The following LMTK3 variants were observed in gnomAD, a reference collection of about 807,000 sequenced individuals.
LMTK3 encodes the protein serine/threonine-protein kinase LMTK3.
A neutral mutation model predicts 116.7 loss-of-function variants in LMTK3; 27 were observed. The observed-to-expected ratio is 0.23, with a 90% confidence interval of 0.17 to 0.32. The LOEUF is 0.32. LMTK3 is among the 10% of genes least tolerant of loss of function. The pLI is 1.00. For synonymous variants in LMTK3, 965 were observed against 971.0 expected, an observed-to-expected ratio of 0.99 and a Z score of 0.11; for missense variants, 1,764 against 2,068.5, an observed-to-expected ratio of 0.85 and a Z score of 2.86.
In LMTK3 at chr19:48,500,149, G is replaced by A. The variant is rs59034825; in HGVS notation, c.1152-232C>T. ...GAGAGAGAGGGACAGAGATCCAGGCGTGGTGGCTCACGCCTGTAATCCCAG... is the reference window on the plus strand; with the variant it reads ...GAGAGAGAGGGACAGAGATCCAGGCATGGTGGCTCACGCCTGTAATCCCAG... On this transcript the variant is annotated intron_variant, in intron 10 of 14. Coordinates refer to ENST00000600059, the MANE Select transcript of LMTK3 (RefSeq NM_001388485.1). This position sits in a 1 kb window ranked among gnomAD's most constrained non-coding sequence, Gnocchi z 4.0. 6.7e-5 allele frequency among the ~76,000 whole-genome samples: 10 copies of A among 149,190 alleles called. No homozygotes were observed. The highest frequency in any genetic ancestry group is 2.5e-4 in the African/African-American group (10 of 40,384).
Position 48,500,023 on chromosome 19 carries a change from T to A in LMTK3, c.1152-106A>T. 1.8e-6 allele frequency: 2 copies of A among 1,085,754 alleles called. No individual in the cohort carries two copies. The highest frequency in any genetic ancestry group is 2.5e-6 in the Non-Finnish European group (2 of 787,468). 67.3% of individuals were successfully genotyped at this position (1,085,754 alleles called of 1,614,324 possible). A position where few individuals can be genotyped will look rare whatever the true frequency, so the allele number is the denominator to read the frequency against. The stretch of plus-strand genomic sequence containing the variant: ...GAGAGGGGGACAGAGACCCAGAGGG[T>A]AACAGAGACCCAGAGAGAGGGGGAC... On this transcript the variant is annotated intron_variant, in intron 10 of 14. Transcript: ENST00000600059. The surrounding 1 kb of genome is among the most constrained non-coding windows in gnomAD (Gnocchi z 4.0).
At chr19:48,509,574 C>T (rs1348212899) in intron 3 of LMTK3, 61 bp from the exon 4 acceptor site, 1 of 1,383,490 alleles carries the variant, frequency 7.2e-7, no homozygotes. Context: ...GCTACCAACA[C>T]ACCCCAGGTC....
In LMTK3 at chr19:48,493,635, C is replaced by G. The variant is rs531118663; in HGVS notation, c.4092+59G>C. On this transcript the variant is annotated intron_variant, in intron 12 of 14. Transcript: ENST00000600059. Reference sequence around the variant, plus strand: ...GCCTCCCGCCAGGCCCTTCCCGGCTCTAGGCTCCTGCTCCCTCCAGGCCGC... The same window carrying G: ...GCCTCCCGCCAGGCCCTTCCCGGCTGTAGGCTCCTGCTCCCTCCAGGCCGC... 2.3e-3 allele frequency: 3,423 copies of G among 1,504,222 alleles called. 4 individuals are homozygous for G. Among genetic ancestry groups the G allele is most frequent in the Non-Finnish European group, 2.6e-3 (2,929 of 1,121,990 alleles). The allele number at this position is 1,504,222 out of a possible 1,614,324, so 93.2% of individuals were successfully genotyped here.
Position 48,493,882 on chromosome 19 carries a change from C to T in LMTK3, c.3904G>A (p.Gly1302Ser). 9.1e-7 allele frequency: 1 copy of T among 1,096,184 alleles called. No homozygotes were observed. Among genetic ancestry groups the T allele is most frequent in the Non-Finnish European group, 1.1e-6 (1 of 903,702 alleles). The allele number at this position is 1,096,184 out of a possible 1,614,324, so 67.9% of individuals were successfully genotyped here. A position where few individuals can be genotyped will look rare whatever the true frequency, so the allele number is the denominator to read the frequency against. ...GGGGCTGCTCGCGCCCTCCCGGGGC[C>T]CCGCGGCCCCGCCGCCGCGCCCGGC... ...AAPGAAAGPR[G>S]PGRARAAPVP... Residue 1302 changes from glycine (G) to serine (S), a missense_variant, in exon 12 of 15, where the codon GGC becomes AGC. This residue lies in a region of LMTK3 where 281 missense variants were observed against 301.4 expected (regional missense o/e 0.93). Coordinates refer to ENST00000600059, the MANE Select transcript of LMTK3 (RefSeq NM_001388485.1).
chr19:48,489,176 C>T (rs544670254), intron 14 of LMTK3, among the ~76,000 whole-genome samples: 3 of 152,336 alleles, frequency 2.0e-5, no homozygotes, highest in East Asian at 1.9e-4. Flanking sequence ...CAGGCTCACC[C>T]GTCTTGCTCC....
Position 48,498,895 on chromosome 19 carries a change from G to C in LMTK3, c.2174C>G (p.Pro725Arg). ...GSLADLPMAP[P>R]ASAPPEFLDP... ...CAGAAACTCGGGGGGGGCCGAGGCGGGGGGGGCCATGGGCAAGTCGGCCAG... is the reference window on the plus strand; with the variant it reads ...CAGAAACTCGGGGGGGGCCGAGGCGCGGGGGGCCATGGGCAAGTCGGCCAG... The change falls in exon 11 of 15, where the codon CCC becomes CGC. Residue 725 changes from proline (P) to arginine (R), a missense_variant. Physicochemically the swap from Pro to Arg is moderately radical, Grantham distance 103. Coordinates refer to ENST00000600059, the MANE Select transcript of LMTK3 (RefSeq NM_001388485.1). 2 of 1,220,812 alleles carry C rather than the reference G, an allele frequency of 1.6e-6. No homozygotes were observed. The highest frequency in any genetic ancestry group is 3.2e-5 in the East Asian group (1 of 31,466). 75.6% of individuals were successfully genotyped at this position (1,220,812 alleles called of 1,614,324 possible). A position where few individuals can be genotyped will look rare whatever the true frequency, so the allele number is the denominator to read the frequency against.
At chr19:48,511,414 A>C in intron 1 of LMTK3, 87 bp downstream of exon 1, 1 of 431,328 alleles carries the variant, frequency 2.3e-6, no homozygotes, top group Non-Finnish European at 3.7e-6. Flanking sequence ...GTGACGGGGC[A>C]GGACCCGCAG....
At chr19:48,489,084 A>T (rs1972175220) in intron 14 of LMTK3, among the ~76,000 whole-genome samples, 2 of 152,168 alleles carry the variant, frequency 1.3e-5, no homozygotes, top group Non-Finnish European at 2.9e-5. Context: ...TCCTCTTGTC[A>T]TCTGCTTTCT....
chr19:48,498,564 T>A lies in LMTK3; in HGVS notation c.2505A>T (p.Pro835=). Reference sequence around the variant, plus strand: ...GTGGGAGCGGACCCGGGTCTGGAGGTGGCCGGGGCGCTCCTGGGTCGGGTG... The same window carrying A: ...GTGGGAGCGGACCCGGGTCTGGAGGAGGCCGGGGCGCTCCTGGGTCGGGTG... The part of the protein sequence containing the change: ...PEPPDPGAPR[P]PPDPGPLPLP... The change falls in exon 11 of 15, where the codon CCA becomes CCT. Residue 835 remains proline, a synonymous_variant. Coordinates refer to ENST00000600059, the MANE Select transcript of LMTK3 (RefSeq NM_001388485.1). The A allele has an allele frequency of 6.4e-7, 1 of 1,555,452 alleles. No homozygotes were observed. The highest frequency in any genetic ancestry group is 1.2e-5 in the South Asian group (1 of 84,820).
Position 48,511,604 on chromosome 19 carries a change from GTGGTGGCGGCTGGGGAGGA to G in LMTK3, c.-47_-29del. On this transcript the variant is annotated 5_prime_UTR_variant, in exon 1 of 15. Transcript: ENST00000600059. ...TGTCGAGGATGGCAGGGAGGTGGAG[GTGGTGGCGGCTGGGGAGGA>G]GGGGGGGGCGGGCCCTCAGCCCCCA... 1.7e-6 allele frequency: 2 copies of G among 1,181,158 alleles called. No homozygotes were observed. Among genetic ancestry groups the G allele is most frequent in the Non-Finnish European group, 2.3e-6 (2 of 879,468 alleles). The allele number at this position is 1,181,158 out of a possible 1,614,324, so 73.2% of individuals were successfully genotyped here. A position where few individuals can be genotyped will look rare whatever the true frequency, so the allele number is the denominator to read the frequency against.
chr19:48,491,540 C>A lies in LMTK3; in HGVS notation c.4093-1G>T. 1 of 1,383,842 alleles carries A rather than the reference C, an allele frequency of 7.2e-7. No homozygotes were observed. The highest frequency in any genetic ancestry group is 2.8e-5 in the East Asian group (1 of 35,322). The allele number at this position is 1,383,842 out of a possible 1,614,324, so 85.7% of individuals were successfully genotyped here. On this transcript the variant is annotated splice_acceptor_variant, in intron 12 of 14. Coordinates refer to ENST00000600059, the MANE Select transcript of LMTK3 (RefSeq NM_001388485.1). LOFTEE classifies it high-confidence loss of function. The surrounding 1 kb of genome is among the most constrained non-coding windows in gnomAD (Gnocchi z 5.1). The stretch of plus-strand genomic sequence containing the variant: ...CGCTCAGCTCGTTGGTTGGCGTCTC[C>A]TGTGAAGGCAGATTAGGGGGAAGCC...
intron 12 of LMTK3, 85 bp downstream of exon 12, chr19:48,493,609 G>A: frequency 7.8e-7 from 1 of 1,288,872 alleles, no homozygotes; most frequent in Non-Finnish European, 1.0e-6. Flanking sequence ...CTCTAAGCTC[G>A]GCCTCCCGCC....
intron 1 of LMTK3, 41 bp downstream of exon 1, chr19:48,511,460 G>C (rs781724873): frequency 2.2e-6 from 2 of 912,988 alleles, no homozygotes; most frequent in Non-Finnish European, 3.0e-6. Flanking sequence ...CCGCCGCGGG[G>C]GTGGGGGCCA....
chr19:48,502,633 T>C (rs2147552173), intron 6 of LMTK3, 52 bp from the exon 7 acceptor site: 1 of 1,506,576 alleles, frequency 6.6e-7, no homozygotes. Flanking sequence ...GGTCTCCAGC[T>C]AGTCGGCCCG....
chr19:48,486,106 C>T (rs1601036554), intron 14 of LMTK3, among the ~76,000 whole-genome samples: 1 of 112,538 alleles, frequency 8.9e-6, no homozygotes, highest in East Asian at 2.7e-4. Context: ...GTCGCCCAGG[C>T]TGGAGTGCAG....
In LMTK3 at chr19:48,511,691, A is replaced by G. The variant is rs888086683; in HGVS notation, c.-115T>C. 13 of 499,298 alleles carry G rather than the reference A, an allele frequency of 2.6e-5. No individual in the cohort carries two copies. In the Admixed American group the frequency reaches 4.7e-4, roughly 18 times the overall value. 30.9% of individuals were successfully genotyped at this position (499,298 alleles called of 1,614,324 possible). On this transcript the variant is annotated 5_prime_UTR_variant, in exon 1 of 15. Transcript: ENST00000600059. ...GACCCTGGCCTCCTCCCGGCCCAGG[A>G]GAGGGGCAGGAGACGCAGGACAGGG...
In LMTK3 at chr19:48,499,226, G is replaced by T; in HGVS notation, c.1843C>A (p.Arg615=). Residue 615 remains arginine, a synonymous_variant, in exon 11 of 15, where the codon CGG becomes AGG. Transcript: ENST00000600059. ...FLLSGWDPEG[R]GAGETLAGDP... is the part of the protein sequence containing the mutation. ...CCCGCCAGGGTCTCCCCGGCGCCCC[G>T]GCCCTCGGGGTCCCAGCCGCTCAGC... 7.3e-7 allele frequency: 1 copy of T among 1,378,478 alleles called. No individual in the cohort carries two copies. Among genetic ancestry groups the T allele is most frequent in the Non-Finnish European group, 9.4e-7 (1 of 1,061,076 alleles). 85.4% of individuals were successfully genotyped at this position (1,378,478 alleles called of 1,614,324 possible).
At position 48,493,631 on chromosome 19, in the gene LMTK3, G is replaced by C. The variant is rs189325787; in HGVS notation, c.4092+63C>G. ...CTCGGCCTCCCGCCAGGCCCTTCCC[G>C]GCTCTAGGCTCCTGCTCCCTCCAGG... On this transcript the variant is annotated intron_variant, in intron 12 of 14. Coordinates refer to ENST00000600059, the MANE Select transcript of LMTK3 (RefSeq NM_001388485.1). 2.3e-5 allele frequency: 30 copies of C among 1,330,696 alleles called. No homozygotes were observed. In the East Asian group the frequency reaches 7.9e-4, roughly 35 times the overall value. 82.4% of individuals were successfully genotyped at this position (1,330,696 alleles called of 1,614,324 possible).
intron 5 of LMTK3, among the ~76,000 whole-genome samples, chr19:48,503,730 T>C (rs897476949): frequency 1.3e-5 from 2 of 152,204 alleles, no homozygotes; most frequent in Admixed American, 6.5e-5. Flanking sequence ...CTTTATCCCA[T>C]GTGGGTTTTC....
Sources: allele counts gnomAD v4.1 joint callset (sites outside exome capture counted in the v4.1 genomes callset), GRCh38; gene constraint gnomAD v4.1.1; regional missense constraint gnomAD v4.1.1; non-coding constraint Gnocchi (gnomAD v3.1); transcripts MANE v1.5; gene names NCBI Gene and HGNC (gene_info 2026-07-23, HGNC 2026-07-21).